The following IL4R variants were observed in gnomAD, a reference collection of about 807,000 sequenced individuals.
The protein encoded by IL4R is interleukin-4 receptor subunit alpha.
In IL4R, 17 loss-of-function variants were observed where a neutral mutation model predicts 41.5. That is an observed-to-expected ratio of 0.41 (90% CI 0.28 to 0.61). The LOEUF is 0.61. Among genes scored for constraint, IL4R ranks in the 20% least tolerant of loss-of-function variants. The probability of loss-of-function intolerance (pLI) is 0.31; values close to 1 mark genes in which losing one functional copy is unlikely to be tolerated. For synonymous variants in IL4R, 402 were observed against 422.9 expected (o/e 0.95, Z 0.61); for missense variants, 974 against 1,043.1 (o/e 0.93, Z 0.91).
intron 2 of IL4R, among the ~76,000 whole-genome samples, chr16:27,338,400 G>A (rs950726920): frequency 4.0e-5 from 6 of 151,490 alleles, no homozygotes; most frequent in African/African-American, 1.5e-4. Flanking sequence ...TTTAATTTTT[G>A]TAGAGATAAG....
intron 2 of IL4R, among the ~76,000 whole-genome samples, chr16:27,335,101 G>A (rs911436286): frequency 1.3e-5 from 2 of 152,024 alleles, no homozygotes; most frequent in African/African-American, 4.8e-5. Context: ...TTTGTCTGAC[G>A]TTTCCAAATG....
At chr16:27,355,122 C>T (rs1332894922) in intron 7 of IL4R, 1 of 401,104 alleles carries the variant, frequency 2.5e-6, no homozygotes, top group African/African-American at 2.1e-5. Context: ...GTGGAGCTGA[C>T]ATTCTGGAGG....
intron 9 of IL4R, among the ~76,000 whole-genome samples, chr16:27,360,454 G>A (rs1314083188): frequency 6.6e-6 from 1 of 152,186 alleles, no homozygotes; most frequent in East Asian, 1.9e-4. Flanking sequence ...AGGCCTAGGC[G>A]CAGCACTGGC....
chr16:27,360,536 G>A lies in IL4R; in HGVS notation c.850-230G>A, dbSNP rs544793092. Among the ~76,000 whole-genome samples, 66 of 152,332 alleles carry A rather than the reference G, an allele frequency of 4.3e-4. 1 individual carries two copies. The highest frequency in any genetic ancestry group is 1.5e-3 in the African/African-American group (63 of 41,584). ...GCCAGTGTAGATTCAAGGGATGGGA[G>A]GAGATTCAGAGCACTCCTCTGTGGC... On this transcript the variant is annotated intron_variant, in intron 9 of 10. Coordinates refer to ENST00000395762, the MANE Select transcript of IL4R (RefSeq NM_000418.4).
chr16:27,335,772 G>C (rs2085244533), intron 2 of IL4R, among the ~76,000 whole-genome samples: 1 of 152,104 alleles, frequency 6.6e-6, no homozygotes, highest in Non-Finnish European at 1.5e-5. Flanking sequence ...GTACAGAATA[G>C]TATTTAGAAG....
chr16:27,352,718 CA>C (rs1363431203), intron 7 of IL4R, 22 bp downstream of exon 7: 1 of 1,609,872 alleles, frequency 6.2e-7, no homozygotes, highest in South Asian at 1.1e-5. Context: ...GAGGCCTAAG[CA>C]ATGGTAATCT....
At chr16:27,332,957 A>C (rs1048749263) in intron 2 of IL4R, among the ~76,000 whole-genome samples, 2 of 151,968 alleles carry the variant, frequency 1.3e-5, no homozygotes, top group Non-Finnish European at 2.9e-5. Flanking sequence ...TTAAATCTCC[A>C]AATACTTGGA....
intron 4 of IL4R, among the ~76,000 whole-genome samples, 192 bp downstream of exon 4, chr16:27,342,451 AGT>A (rs1203588808): frequency 6.6e-6 from 1 of 152,004 alleles, no homozygotes; most frequent in Non-Finnish European, 1.5e-5. Flanking sequence ...GCATGGTGGG[AGT>A]GTTGGTCCAC....
At chr16:27,351,642 G>A (rs1457756260) in intron 6 of IL4R, among the ~76,000 whole-genome samples, 2 of 151,714 alleles carry the variant, frequency 1.3e-5, no homozygotes, top group Non-Finnish European at 2.9e-5. Flanking sequence ...AGCCTCCTGA[G>A]TAGCTGGGAT....
chr16:27,316,572 A>G (rs2084658119), intron 1 of IL4R, among the ~76,000 whole-genome samples: 1 of 152,204 alleles, frequency 6.6e-6, no homozygotes, highest in African/African-American at 2.4e-5. Flanking sequence ...TCACATTTGT[A>G]AAAGTGAACT....
In IL4R at chr16:27,362,900, C is replaced by A; in HGVS notation, c.1548C>A (p.Asp516Glu). ...CGTGTCCCAGAGAGCTGGGTCCAGA[C>A]CCACTGCTGGCCAGACACCTGGAGG... ...QSPCPRELGPDPLLARHLEEV... is the reference protein window; with the variant it reads ...QSPCPRELGPEPLLARHLEEV... The change falls in exon 11 of 11, where the codon GAC (aspartate) becomes GAA (glutamate). Residue 516 changes from aspartate (D) to glutamate (E), a missense_variant. Transcript: ENST00000395762. 6.2e-7 allele frequency: 1 copy of A among 1,614,178 alleles called. No homozygotes were observed. Among genetic ancestry groups the A allele is most frequent in the Non-Finnish European group, 8.5e-7 (1 of 1,180,040 alleles).
In IL4R at chr16:27,345,690, G is replaced by T. The variant is rs1469945025; in HGVS notation, c.361+670G>T. On this transcript the variant is annotated intron_variant, in intron 5 of 10. Transcript: ENST00000395762. This position sits in a 1 kb window ranked among gnomAD's most constrained non-coding sequence, Gnocchi z 4.5. The stretch of plus-strand genomic sequence containing the variant: ...GCAGCTGTAAAAGCTGAAGTTTGAG[G>T]CCGGGTGTGGTGGTTCATGCCTATA... 2 of 157,016 alleles carry T rather than the reference G, an allele frequency of 1.3e-5. No homozygotes were observed. Among genetic ancestry groups the T allele is most frequent in the African/African-American group, 4.8e-5 (2 of 41,500 alleles). The allele number at this position is 157,016 out of a possible 1,614,324, so 9.7% of individuals were successfully genotyped here.
intron 6 of IL4R, among the ~76,000 whole-genome samples, chr16:27,350,875 G>A (rs1392927446): frequency 6.6e-6 from 1 of 152,212 alleles, no homozygotes; most frequent in African/African-American, 2.4e-5. Context: ...GGCAGGCAGA[G>A]GGCATGTGCA....
At chr16:27,355,652 GGA>G in intron 7 of IL4R, 154 bp from the exon 8 acceptor site, 1 of 587,586 alleles carries the variant, frequency 1.7e-6, no homozygotes, top group Non-Finnish European at 3.1e-6. Flanking sequence ...TGTGCAAGAG[GGA>G]GAGTGGTGGG....
rs144312967 is a variant in IL4R, at chr16:27,356,589, A to G, written c.770+682A>G. On this transcript the variant is annotated intron_variant, in intron 8 of 10. Coordinates refer to ENST00000395762, the MANE Select transcript of IL4R (RefSeq NM_000418.4). The stretch of plus-strand genomic sequence containing the variant: ...GAGGGAAAATTTGAGGGGGGCCCTG[A>G]CTGGGGAGAATGAGCTGGCCAGGGA... Among the ~76,000 whole-genome samples, 288 of 152,240 alleles carry G rather than the reference A, an allele frequency of 1.9e-3. 3 individuals are homozygous for G. Among genetic ancestry groups the G allele is most frequent in the African/African-American group, 5.7e-3 (236 of 41,546 alleles).
At chr16:27,334,617 A>G (rs757130199) in intron 2 of IL4R, among the ~76,000 whole-genome samples, 2 of 152,080 alleles carry the variant, frequency 1.3e-5, no homozygotes, top group Non-Finnish European at 2.9e-5. Context: ...GGCTAAAGTG[A>G]CACCTTTGCC....
At position 27,346,507 on chromosome 16, in the gene IL4R, T is replaced by G. The variant is rs1229838368; in HGVS notation, c.402T>G (p.Asn134Lys). Residue 134 changes from asparagine to lysine, a missense_variant, in exon 6 of 11, where the codon AAT becomes AAG. Asn to Lys is a moderately conservative substitution (Grantham distance 94). Coordinates refer to ENST00000395762, the MANE Select transcript of IL4R (RefSeq NM_000418.4). ...RAPGNLTVHT[N>K]VSDTLLLTWS... The stretch of plus-strand genomic sequence containing the variant: ...CAGGAAACCTGACAGTTCACACCAA[T>G]GTCTCCGACACTCTGCTGCTGACCT... 1 of 1,614,062 alleles carries G rather than the reference T, an allele frequency of 6.2e-7. No individual in the cohort carries two copies.
In IL4R at chr16:27,323,089, G is replaced by A. The variant is rs2084860270; in HGVS notation, c.-151-6977G>A. 2.0e-5 allele frequency among the ~76,000 whole-genome samples: 3 copies of A among 152,154 alleles called. No individual in the cohort carries two copies. The South Asian group carries it at 6.2e-4, about 31-fold the overall frequency. ...GTGAGACAACAGGAAGAGCTCCATG[G>A]GTAGTCCCCACCCACTGCCTTCCAT... On this transcript the variant is annotated intron_variant, in intron 1 of 10. Transcript: ENST00000395762.
rs1039323510 is a variant in IL4R, at chr16:27,319,892, G to T, written c.-152+5872G>T. Among the ~76,000 whole-genome samples the T allele has an allele frequency of 2.0e-5, 3 of 151,766 alleles. No homozygotes were observed. In the South Asian group the frequency reaches 6.2e-4, roughly 32 times the overall value. On this transcript the variant is annotated intron_variant, in intron 1 of 10. Coordinates refer to ENST00000395762, the MANE Select transcript of IL4R (RefSeq NM_000418.4). The stretch of plus-strand genomic sequence containing the variant: ...GTACTTTTTCTTTTTTTTTTAAGAC[G>T]GAGTTTCGCTCTTGTCGCCCAGACT...
Sources: allele counts gnomAD v4.1 joint callset (sites outside exome capture counted in the v4.1 genomes callset), GRCh38; gene constraint gnomAD v4.1.1; non-coding constraint Gnocchi (gnomAD v3.1); transcripts MANE v1.5; gene names NCBI Gene and HGNC (gene_info 2026-07-23, HGNC 2026-07-21).